Variants in NSD1 observed in about 807,000 individuals in gnomAD.
The protein encoded by NSD1 is nuclear receptor binding SET domain protein 1.
In NSD1, 26 loss-of-function variants were observed where a neutral mutation model predicts 242.7. That is an observed-to-expected ratio of 0.11 (90% CI 0.08 to 0.15). The LOEUF (loss-of-function observed/expected upper bound fraction) is 0.15. NSD1 is among the 10% of genes least tolerant of loss of function. NSD1 has a pLI of 1.00. For synonymous variants in NSD1, 1,106 were observed against 1,178.1 expected (o/e 0.94, Z 1.25); for missense variants, 2,495 against 3,272.8 (o/e 0.76, Z 5.80).
intron 14 of NSD1, among the ~76,000 whole-genome samples, chr5:177,263,622 G>C (rs1203327104): frequency 6.6e-6 from 1 of 152,218 alleles, no homozygotes; most frequent in African/African-American, 2.4e-5. Context: ...GAAGTGGGAA[G>C]TACACGTAAA....
chr5:177,152,329 GTA>G (rs2149778552), intron 2 of NSD1, among the ~76,000 whole-genome samples: 1 of 148,720 alleles, frequency 6.7e-6, no homozygotes, highest in East Asian at 2.0e-4. Context: ...GTGTATGTAT[GTA>G]TGTATGTATG....
intron 2 of NSD1, among the ~76,000 whole-genome samples, chr5:177,148,537 G>A (rs916876427): frequency 1.6e-4 from 24 of 152,006 alleles, no homozygotes; most frequent in African/African-American, 5.6e-4. Flanking sequence ...CGATTATCCC[G>A]CCTCAGGCTC....
chr5:177,291,229 A>G (rs956652187), intron 21 of NSD1, among the ~76,000 whole-genome samples: 1 of 152,260 alleles, frequency 6.6e-6, no homozygotes, highest in African/African-American at 2.4e-5. Flanking sequence ...GGCAGGGACC[A>G]TGAATTAACT....
Position 177,210,116 on chromosome 5 carries a change from T to G in NSD1, c.1717T>G (p.Cys573Gly). Reference sequence around the variant, plus strand: ...CCCAGGAAGTTTTCTGTTTTCTTCCTGTGGAAAAAACACTGCAAAGAAAGA... The same window carrying G: ...CCCAGGAAGTTTTCTGTTTTCTTCCGGTGGAAAAAACACTGCAAAGAAAGA... ...TAPGSFLFSSCGKNTAKKEFE... is the reference protein window; with the variant it reads ...TAPGSFLFSSGGKNTAKKEFE... Residue 573 changes from cysteine (C) to glycine (G), a missense_variant, in exon 5 of 23, where the codon TGT becomes GGT. This residue lies in a region of NSD1 where 515 missense variants were observed against 467.0 expected (regional missense o/e 1.10). Coordinates refer to ENST00000439151, the MANE Select transcript of NSD1 (RefSeq NM_022455.5). 1 of 1,613,434 alleles carries G rather than the reference T, an allele frequency of 6.2e-7. No individual in the cohort carries two copies.
intron 2 of NSD1, among the ~76,000 whole-genome samples, chr5:177,186,504 T>C (rs75405762): frequency 6.6e-6 from 1 of 152,130 alleles, no homozygotes; most frequent in African/African-American, 2.4e-5. Flanking sequence ...GATTTTTAAC[T>C]GTTGCTAGAA....
intron 2 of NSD1, among the ~76,000 whole-genome samples, chr5:177,153,841 AT>A (rs1314634974): frequency 6.6e-6 from 1 of 152,116 alleles, no homozygotes; most frequent in Non-Finnish European, 1.5e-5. Flanking sequence ...TTTTACGACA[AT>A]TTTTTGAGAA....
intron 2 of NSD1, among the ~76,000 whole-genome samples, chr5:177,158,821 CAAA>C (rs57206832): frequency 5.0e-5 from 4 of 80,320 alleles, no homozygotes; most frequent in South Asian, 7.8e-4. Flanking sequence ...GACTTCATCT[CAAA>C]AAAAAAAAAA....
At chr5:177,166,120 G>A (rs1759174591) in intron 2 of NSD1, among the ~76,000 whole-genome samples, 1 of 150,826 alleles carries the variant, frequency 6.6e-6, no homozygotes, top group Non-Finnish European at 1.5e-5. Context: ...TCACCATATT[G>A]GCCAGGATGG....
At chr5:177,271,577 T>C (rs1249309957) in intron 16 of NSD1, among the ~76,000 whole-genome samples, 1 of 152,194 alleles carries the variant, frequency 6.6e-6, no homozygotes, top group Non-Finnish European at 1.5e-5. Context: ...ACTTAAAATG[T>C]GATACATTTT....
chr5:177,265,552 G>T, intron 14 of NSD1: 1 of 954,852 alleles, frequency 1.0e-6, no homozygotes, highest in Non-Finnish European at 1.7e-6. Context: ...GGCCCGTGCA[G>T]GGCGGGAGAG....
chr5:177,218,928 T>C (rs1764018380), intron 5 of NSD1, among the ~76,000 whole-genome samples: 3 of 151,866 alleles, frequency 2.0e-5, no homozygotes, highest in South Asian at 4.1e-4. Flanking sequence ...TTTAATGTGC[T>C]ATTTAATTTG....
chr5:177,210,861 G>A lies in NSD1; in HGVS notation c.2462G>A (p.Gly821Asp), dbSNP rs2149845553. Residue 821 changes from glycine to aspartate, a missense_variant, in exon 5 of 23, where the codon GGC becomes GAC. By Grantham distance (94) the Gly-to-Asp change is moderately conservative. Coordinates refer to ENST00000439151, the MANE Select transcript of NSD1 (RefSeq NM_022455.5). ...SLKCCSSDTK[G>D]SPLASISKSG... ...AAATGCTGCTCTTCTGATACCAAAG[G>A]CTCTCCTTTGGCCAGCATTTCTAAA... 6.2e-7 allele frequency: 1 copy of A among 1,614,178 alleles called. No homozygotes were observed. Among genetic ancestry groups the A allele is most frequent in the Non-Finnish European group, 8.5e-7 (1 of 1,180,038 alleles).
intron 2 of NSD1, among the ~76,000 whole-genome samples, chr5:177,182,312 T>A (rs1056764715): frequency 6.6e-6 from 1 of 152,134 alleles, no homozygotes; most frequent in Non-Finnish European, 1.5e-5. Context: ...TGAGTGAGAC[T>A]CTGTCTCAGC....
At chr5:177,280,963 T>C (rs925650138) in intron 18 of NSD1, 129 bp downstream of exon 18, 1 of 1,055,186 alleles carries the variant, frequency 9.5e-7, no homozygotes, top group Non-Finnish European at 1.4e-6. Context: ...TTGTTGTGTC[T>C]TGCCATATCC....
intron 2 of NSD1, among the ~76,000 whole-genome samples, chr5:177,146,597 T>C (rs1757265610): frequency 2.0e-5 from 3 of 152,246 alleles, no homozygotes; most frequent in Non-Finnish European, 4.4e-5. Flanking sequence ...TCTGTATTTC[T>C]ATCAGGACAT....
chr5:177,271,332 ATAGT>A (rs747051690), intron 16 of NSD1, among the ~76,000 whole-genome samples: 1 of 152,172 alleles, frequency 6.6e-6, no homozygotes, highest in Non-Finnish European at 1.5e-5. Flanking sequence ...CATAATAATA[ATAGT>A]TAGCATTTTT....
chr5:177,165,552 AT>A (rs1190553597), intron 2 of NSD1, among the ~76,000 whole-genome samples: 4 of 151,528 alleles, frequency 2.6e-5, no homozygotes, highest in South Asian at 4.2e-4. Context: ...TGATTCGCAA[AT>A]TTTTTTCCCC....
chr5:177,260,219 A>G, intron 14 of NSD1, 51 bp downstream of exon 14: 3 of 1,533,572 alleles, frequency 2.0e-6, no homozygotes, highest in African/African-American at 1.4e-5. Flanking sequence ...GATTAAATCA[A>G]TGTTTTAATT....
chr5:177,210,193 G>A lies in NSD1; in HGVS notation c.1794G>A (p.Leu598=), dbSNP rs1363161634. 6.3e-7 allele frequency: 1 copy of A among 1,599,652 alleles called. No homozygotes were observed. The highest frequency in any genetic ancestry group is 8.5e-7 in the Non-Finnish European group (1 of 1,173,888). Residue 598 remains leucine (L), a synonymous_variant, in exon 5 of 23, where the codon TTG becomes TTA. Transcript: ENST00000439151. ...TATTGGGCTTGCCTGAGGGTGCTTT[G>A]ATCTCAAAGTGTTCTCGAGAGAAGA... ...DSLLGLPEGA[L]ISKCSREKNK... is the part of the protein sequence containing the mutation.
Sources: allele counts gnomAD v4.1 joint callset (sites outside exome capture counted in the v4.1 genomes callset), GRCh38; gene constraint gnomAD v4.1.1; regional missense constraint gnomAD v4.1.1; transcripts MANE v1.5; gene names NCBI Gene and HGNC (gene_info 2026-07-23, HGNC 2026-07-21).